The following TMEM163 variants were observed in gnomAD, a reference collection of about 807,000 sequenced individuals.
The protein encoded by TMEM163 is transmembrane protein 163.
A neutral mutation model predicts 29.3 loss-of-function variants in TMEM163; 17 were observed. The ratio of observed to expected loss-of-function variants is 0.58; its 90% confidence interval spans 0.40 to 0.87. The LOEUF (loss-of-function observed/expected upper bound fraction) is 0.87. Among genes scored for constraint, TMEM163 ranks in the 40% least tolerant of loss-of-function variants. The pLI is 0.00. For synonymous variants in TMEM163, 157 were observed against 160.6 expected, an observed-to-expected ratio of 0.98 and a Z score of 0.17; for missense variants, 303 against 381.5, an observed-to-expected ratio of 0.79 and a Z score of 1.71.
chr2:134,675,828 T>C (rs1168624595), intron 2 of TMEM163, among the ~76,000 whole-genome samples: 1 of 152,100 alleles, frequency 6.6e-6, no homozygotes, highest in East Asian at 1.9e-4. Context: ...GCAAAAGCAA[T>C]CACTGATGAT....
chr2:134,533,952 T>G (rs1680472617), intron 4 of TMEM163, among the ~76,000 whole-genome samples: 1 of 152,206 alleles, frequency 6.6e-6, no homozygotes, highest in African/African-American at 2.4e-5. Flanking sequence ...ACCTACTCAG[T>G]GACCTTCCTT....
At chr2:134,552,805 G>T (rs2106508299) in intron 2 of TMEM163, among the ~76,000 whole-genome samples, 1 of 151,906 alleles carries the variant, frequency 6.6e-6, no homozygotes, top group Non-Finnish European at 1.5e-5. Flanking sequence ...GGGACTACAG[G>T]CACCTGCCAC....
At chr2:134,510,600 C>T (rs572798898) in intron 4 of TMEM163, among the ~76,000 whole-genome samples, 46 of 152,220 alleles carry the variant, frequency 3.0e-4, no homozygotes, top group African/African-American at 7.9e-4. Flanking sequence ...TGGCAGAACT[C>T]GGTGACTGAC....
chr2:134,509,838 T>C (rs1054554837), intron 4 of TMEM163, among the ~76,000 whole-genome samples: 7 of 152,218 alleles, frequency 4.6e-5, no homozygotes, highest in African/African-American at 1.7e-4. Flanking sequence ...GGCTCTGTAG[T>C]GCGACATCTA....
chr2:134,661,949 T>G (rs910062438), intron 2 of TMEM163, among the ~76,000 whole-genome samples: 1 of 147,466 alleles, frequency 6.8e-6, no homozygotes, highest in African/African-American at 2.5e-5. Context: ...TTTTTTTTTT[T>G]GAGATGGAGT....
intron 2 of TMEM163, among the ~76,000 whole-genome samples, chr2:134,644,798 G>T (rs372191587): frequency 2.6e-5 from 4 of 152,058 alleles, no homozygotes; most frequent in African/African-American, 9.6e-5. Flanking sequence ...ATATTTTTCT[G>T]CAAAAGATGC....
At chr2:134,525,208 A>G (rs1680267715) in intron 4 of TMEM163, among the ~76,000 whole-genome samples, 1 of 152,212 alleles carries the variant, frequency 6.6e-6, no homozygotes, top group South Asian at 2.1e-4. Context: ...GTGGTTCCCC[A>G]GACTTGCAAC....
At chr2:134,587,913 G>A (rs1390218159) in intron 2 of TMEM163, among the ~76,000 whole-genome samples, 4 of 152,224 alleles carry the variant, frequency 2.6e-5, no homozygotes, top group African/African-American at 7.2e-5. Flanking sequence ...TCCCTGTTGT[G>A]TAGTATGAAA....
chr2:134,503,897 G>C (rs1314449711), intron 4 of TMEM163, among the ~76,000 whole-genome samples: 1 of 152,082 alleles, frequency 6.6e-6, no homozygotes, highest in African/African-American at 2.4e-5. Flanking sequence ...GGAAGATGAA[G>C]GTAGGCATGA....
intron 4 of TMEM163, among the ~76,000 whole-genome samples, chr2:134,518,727 G>A (rs982292972): frequency 5.9e-5 from 9 of 152,040 alleles, no homozygotes; most frequent in South Asian, 2.1e-4. Flanking sequence ...AAGTGACCAC[G>A]ATATCTCACC....
chr2:134,476,562 A>G (rs1294279626), intron 5 of TMEM163, among the ~76,000 whole-genome samples: 1 of 152,232 alleles, frequency 6.6e-6, no homozygotes, highest in African/African-American at 2.4e-5. Flanking sequence ...GCTTATACAC[A>G]TAAGCTGGTA....
intron 4 of TMEM163, among the ~76,000 whole-genome samples, chr2:134,536,985 GA>G (rs1407763490): frequency 6.6e-6 from 1 of 152,084 alleles, no homozygotes; most frequent in Non-Finnish European, 1.5e-5. Context: ...GGTCTGCTAG[GA>G]AAACACAAAA....
At chr2:134,661,251 G>A (rs188093964) in intron 2 of TMEM163, among the ~76,000 whole-genome samples, 48 of 152,154 alleles carry the variant, frequency 3.2e-4, no homozygotes, top group South Asian at 6.2e-4. Context: ...GAGGTCCTTC[G>A]CCAGATGCTG....
chr2:134,531,290 C>T (rs553250387), intron 4 of TMEM163, among the ~76,000 whole-genome samples: 2 of 152,288 alleles, frequency 1.3e-5, no homozygotes, highest in African/African-American at 4.8e-5. Flanking sequence ...CAACAGCAAC[C>T]GTGACAGACT....
chr2:134,545,170 C>T (rs896482943), intron 4 of TMEM163, among the ~76,000 whole-genome samples: 17 of 152,120 alleles, frequency 1.1e-4, no homozygotes, highest in Admixed American at 7.9e-4. Context: ...ACAGATAGTG[C>T]TTCATTCTTT....
chr2:134,575,454 G>T (rs1681531233), intron 2 of TMEM163, among the ~76,000 whole-genome samples: 2 of 152,182 alleles, frequency 1.3e-5, no homozygotes, highest in South Asian at 4.1e-4. Context: ...GGGGCCTGCG[G>T]TATGTATAGA....
intron 3 of TMEM163, 119 bp from the exon 4 acceptor site, chr2:134,550,780 G>T: frequency 1.0e-6 from 1 of 959,352 alleles, no homozygotes; most frequent in South Asian, 1.4e-5. Context: ...TGAGCAAAGA[G>T]GTCTCCCATC....
intron 2 of TMEM163, among the ~76,000 whole-genome samples, chr2:134,552,723 G>C (rs1680960774): frequency 7.0e-6 from 1 of 141,940 alleles, no homozygotes; most frequent in Non-Finnish European, 1.5e-5. Context: ...GTGCAATGGT[G>C]CTGTCTCGGC....
rs369386262 is a variant in TMEM163 at position 134,713,181 on chromosome 2, C to T, written c.322+19G>A. 1.2e-6 allele frequency: 2 copies of T among 1,610,252 alleles called. No homozygotes were observed. Among genetic ancestry groups the T allele is most frequent in the South Asian group, 1.1e-5 (1 of 90,286 alleles). On this transcript the variant is annotated intron_variant, in intron 2 of 7. Transcript: ENST00000281924. ...GGCAACAGCAGCACATATTGGCCGACGAGACCCTTGATACTCACTAAAGGC... is the reference window on the plus strand; with the variant it reads ...GGCAACAGCAGCACATATTGGCCGATGAGACCCTTGATACTCACTAAAGGC...
Sources: gnomAD v4.1 joint callset for allele counts (sites outside exome capture counted in the v4.1 genomes callset) on GRCh38, gnomAD v4.1.1 for gene constraint, MANE v1.5 for transcripts, NCBI Gene and HGNC (gene_info 2026-07-23, HGNC 2026-07-21) for gene names.